The following MPRIP variants were observed in gnomAD, a reference collection of about 807,000 sequenced individuals.
The protein encoded by MPRIP is myosin phosphatase Rho-interacting protein.
In MPRIP, 59 loss-of-function variants were observed where a neutral mutation model predicts 234.9. The ratio of observed to expected loss-of-function variants is 0.25; its 90% CI spans 0.20 to 0.31. The LOEUF (loss-of-function observed/expected upper bound fraction) is 0.31. MPRIP is among the 10% of genes least tolerant of loss of function. The probability of loss-of-function intolerance (pLI) is 1.00; values close to 1 mark genes in which losing one functional copy is unlikely to be tolerated. For synonymous variants in MPRIP, 1,144 were observed against 1,263.9 expected, an observed-to-expected ratio of 0.91 and a Z score of 2.01; for missense variants, 2,436 against 3,071.0, an observed-to-expected ratio of 0.79 and a Z score of 4.89.
chr17:17,159,011 C>G lies in MPRIP; in HGVS notation c.2400+9C>G, dbSNP rs141831971. ...CTCTGCTCGAGAAGGAGGTAATAGC[C>G]TGGGACCAGATCCCCACCCTGCTCC... On this transcript the variant is annotated intron_variant, in intron 14 of 23. Coordinates refer to ENST00000651222, the MANE Select transcript of MPRIP (RefSeq NM_001364716.4). The G allele has an allele frequency of 5.3e-3, 8,486 of 1,605,142 alleles. 29 individuals are homozygous for G. Among genetic ancestry groups the G allele is most frequent in the Non-Finnish European group, 6.5e-3 (7,664 of 1,175,646 alleles).
chr17:17,131,595 T>C (rs1487474462), intron 4 of MPRIP, 22 bp from the exon 5 acceptor site: 1 of 1,610,946 alleles, frequency 6.2e-7, no homozygotes, highest in Non-Finnish European at 8.5e-7. Flanking sequence ...TACCTGGTAC[T>C]TGTCTCCTTT....
At chr17:17,177,146 C>A in intron 21 of MPRIP, 104 bp from the exon 22 acceptor site, 1 of 1,194,054 alleles carries the variant, frequency 8.4e-7, no homozygotes, top group Non-Finnish European at 1.2e-6. Context: ...CTTCCGCCCA[C>A]AGCAAGCCTC....
At chr17:17,118,361 T>G (rs2090325440) in intron 3 of MPRIP, among the ~76,000 whole-genome samples, 2 of 152,210 alleles carry the variant, frequency 1.3e-5, no homozygotes, top group African/African-American at 2.4e-5. Flanking sequence ...GGACCCTCTC[T>G]GGGGTCTGCC....
chr17:17,174,106 AGTCAGGGGCACTCAAG>A (rs1185184342), intron 19 of MPRIP, 31 bp downstream of exon 19: 3 of 1,609,018 alleles, frequency 1.9e-6, no homozygotes, highest in Non-Finnish European at 2.5e-6. Context: ...GCCCAAGGTT[AGTCAGGGGCACTCAAG>A]GTCAGGTAGA....
chr17:17,088,697 C>T (rs1160702141), intron 3 of MPRIP, among the ~76,000 whole-genome samples: 5 of 152,130 alleles, frequency 3.3e-5, no homozygotes, highest in Non-Finnish European at 5.9e-5. Flanking sequence ...CCTGCCTGGC[C>T]ATGTCTTTTG....
At chr17:17,071,440 C>G (rs1244966318) in intron 1 of MPRIP, among the ~76,000 whole-genome samples, 1 of 152,188 alleles carries the variant, frequency 6.6e-6, no homozygotes, top group Non-Finnish European at 1.5e-5. Flanking sequence ...TCCTTGGATC[C>G]TGGGTCCCTG....
intron 3 of MPRIP, among the ~76,000 whole-genome samples, chr17:17,102,338 A>G (rs770645629): frequency 2.3e-4 from 35 of 152,244 alleles, no homozygotes; most frequent in Non-Finnish European, 4.0e-4. Flanking sequence ...CTTGTACTCT[A>G]TGTTGTGCCA....
At chr17:17,159,282 T>G (rs1040027358) in intron 14 of MPRIP, among the ~76,000 whole-genome samples, 1 of 152,244 alleles carries the variant, frequency 6.6e-6, no homozygotes, top group East Asian at 1.9e-4. Context: ...CAAGCGGCGT[T>G]GCAGGGCCTA....
intron 2 of MPRIP, among the ~76,000 whole-genome samples, chr17:17,076,859 A>G (rs549321676): frequency 1.3e-5 from 2 of 151,958 alleles, no homozygotes; most frequent in Non-Finnish European, 1.5e-5. Flanking sequence ...CCTGGCCCAA[A>G]GCAGAGAGAT....
In MPRIP at chr17:17,161,892, A is replaced by T. The variant is rs182305097; in HGVS notation, c.2517+536A>T. Among the ~76,000 whole-genome samples, 118 of 152,268 alleles carry T rather than the reference A, an allele frequency of 7.7e-4. No individual in the cohort carries two copies. The Middle Eastern group carries it at 0.01, about 13-fold the overall frequency. On this transcript the variant is annotated intron_variant, in intron 15 of 23. Coordinates refer to ENST00000651222, the MANE Select transcript of MPRIP (RefSeq NM_001364716.4). ...TTACCACTACTAGCCCAACCCCGGG[A>T]TACCTCCACTGAGATCCTGTACCAC... is the stretch of plus-strand genomic sequence containing the variant.
At chr17:17,053,180 CCCA>C (rs2088593553) in intron 1 of MPRIP, among the ~76,000 whole-genome samples, 1 of 151,984 alleles carries the variant, frequency 6.6e-6, no homozygotes, top group Non-Finnish European at 1.5e-5. Flanking sequence ...CTGACACAGT[CCCA>C]CTTTTCATTT....
At chr17:17,154,468 C>T (rs3744132) in intron 13 of MPRIP, 53 bp downstream of exon 13, 1 of 1,482,058 alleles carries the variant, frequency 6.7e-7, no homozygotes, top group Middle Eastern at 1.7e-4. Context: ...GGGTGCCACT[C>T]CCGCCAGGGC....
At chr17:17,059,777 G>T (rs940121532) in intron 1 of MPRIP, among the ~76,000 whole-genome samples, 16 of 152,216 alleles carry the variant, frequency 1.1e-4, no homozygotes, top group African/African-American at 3.9e-4. Flanking sequence ...CCTCCATAGA[G>T]AGCAGCAGAA....
intron 3 of MPRIP, among the ~76,000 whole-genome samples, chr17:17,108,238 A>G (rs1233104286): frequency 6.6e-6 from 1 of 152,014 alleles, no homozygotes; most frequent in African/African-American, 2.4e-5. Context: ...CAGGCTCTTT[A>G]CAGCTGCATT....
At chr17:17,173,564 T>A (rs1420549341) in intron 18 of MPRIP, among the ~76,000 whole-genome samples, 1 of 152,248 alleles carries the variant, frequency 6.6e-6, no homozygotes, top group Non-Finnish European at 1.5e-5. Flanking sequence ...AGCCTGGTCC[T>A]GGCTGTCAGA....
intron 12 of MPRIP, among the ~76,000 whole-genome samples, chr17:17,152,474 C>T (rs2045625007): frequency 6.6e-6 from 1 of 152,224 alleles, no homozygotes; most frequent in Non-Finnish European, 1.5e-5. Flanking sequence ...TCGGTGATCC[C>T]CAACTACTGA....
rs772950784 is a variant in MPRIP, at chr17:17,164,766, C to T, written c.3175C>T (p.Gln1059Ter). 7.7e-7 allele frequency: 1 copy of T among 1,304,220 alleles called. No homozygotes were observed. The highest frequency in any genetic ancestry group is 1.2e-5 in the South Asian group (1 of 81,024). 80.8% of individuals were successfully genotyped at this position (1,304,220 alleles called of 1,614,324 possible). Residue 1059 changes from glutamine (Q) to a stop codon, truncating the protein, a stop_gained, in exon 16 of 24, where the codon CAG becomes TAG. Coordinates refer to ENST00000651222, the MANE Select transcript of MPRIP (RefSeq NM_001364716.4). LOFTEE classifies it high-confidence loss of function. ...TGAGGACCAGCTGCAGGGTCAGGCA[C>T]AGCAGGTGGAGACCCTGCAGAAGGA... ...AYEDQLQGQA[Q>*]QVETLQKEKL...
intron 5 of MPRIP, among the ~76,000 whole-genome samples, chr17:17,135,868 A>G (rs947900411): frequency 2.0e-5 from 3 of 152,250 alleles, no homozygotes; most frequent in African/African-American, 7.2e-5. Context: ...TCTTAGGGGC[A>G]AAAAGCAGAG....
intron 13 of MPRIP, among the ~76,000 whole-genome samples, chr17:17,156,124 G>A (rs893671404): frequency 6.6e-6 from 1 of 152,256 alleles, no homozygotes; most frequent in Non-Finnish European, 1.5e-5. Context: ...GCTCGGTGCT[G>A]TAGATTGGCA....
Sources: gnomAD v4.1 joint callset for allele counts (sites outside exome capture counted in the v4.1 genomes callset) on GRCh38, gnomAD v4.1.1 for gene constraint, MANE v1.5 for transcripts, NCBI Gene and HGNC (gene_info 2026-07-23, HGNC 2026-07-21) for gene names.